The following CCDC13 variants were observed in gnomAD, a reference collection of about 807,000 sequenced individuals.
The protein encoded by CCDC13 is coiled-coil domain containing 13, also known as coiled-coil domain-containing protein 13.
CCDC13 carries 70 observed loss-of-function variants against 87.3 expected under a neutral mutation model. The ratio of observed to expected loss-of-function variants is 0.80; its 90% CI spans 0.66 to 0.98. CCDC13 has a LOEUF of 0.98. Ranked by LOEUF, CCDC13 falls within the 50% of genes least tolerant of loss-of-function variation. The pLI is 0.00. For missense variants in CCDC13, 842 were observed against 892.0 expected (o/e 0.94, Z 0.71); for synonymous variants, 317 against 360.3 (o/e 0.88, Z 1.36).
chr3:42,750,050 C>T (rs1364135554), intron 5 of CCDC13: 1 of 411,084 alleles, frequency 2.4e-6, no homozygotes, highest in East Asian at 7.3e-5. Context: ...TGCGGCCCAT[C>T]ACACACTCTT....
intron 6 of CCDC13, chr3:42,746,699 G>T (rs1575316446): frequency 5.6e-6 from 1 of 177,822 alleles, no homozygotes; most frequent in Non-Finnish European, 1.2e-5. Context: ...CAGTCTGAGT[G>T]GTTCCAGCAG....
At chr3:42,762,019 C>G (rs979104477) in intron 1 of CCDC13, among the ~76,000 whole-genome samples, 2 of 152,204 alleles carry the variant, frequency 1.3e-5, no homozygotes, top group African/African-American at 4.8e-5. Flanking sequence ...TACCCAGTTA[C>G]TCTTAAACTT....
rs761394968 is a variant in CCDC13 at position 42,758,206 on chromosome 3, T to C, written c.140A>G (p.Gln47Arg). The change falls in exon 2 of 16, where the codon CAA becomes CGA. Residue 47 changes from glutamine to arginine, a missense_variant. By Grantham distance (43) the Gln-to-Arg change is conservative (BLOSUM62 1). Coordinates refer to ENST00000310232, the MANE Select transcript of CCDC13 (RefSeq NM_144719.4). ...ATCTGAAACCTCCAAGGGCTCCTCT[T>C]GGTCGTCAGCTCTGCTTTTGAGGCT... ...ELSLKSRADD[Q>R]EEPLEVSDGL... 18 of 1,614,016 alleles carry C rather than the reference T, an allele frequency of 1.1e-5. No homozygotes were observed. Among genetic ancestry groups the C allele is most frequent in the Non-Finnish European group, 1.4e-5 (17 of 1,180,052 alleles).
At chr3:42,739,538 T>C in intron 9 of CCDC13, 96 bp downstream of exon 9, 3 of 1,363,248 alleles carry the variant, frequency 2.2e-6, no homozygotes, top group Non-Finnish European at 3.0e-6. Flanking sequence ...CAGGTGGCAT[T>C]GAGGGGTGAG....
chr3:42,705,310 C>G (rs1362026003), downstream of CCDC13, among the ~76,000 whole-genome samples: 1 of 152,112 alleles, frequency 6.6e-6, no homozygotes, highest in Non-Finnish European at 1.5e-5. Context: ...TGGAGGTCAC[C>G]CTGCCCTGGG....
At position 42,757,004 on chromosome 3, in the gene CCDC13, T is replaced by A; in HGVS notation, c.370+62A>T. ...GGAATCTGCTCTCTGGAACCTGCTGTCTGCCCTATCTGAAGTCCCTGGACT... is the reference window on the plus strand; with the variant it reads ...GGAATCTGCTCTCTGGAACCTGCTGACTGCCCTATCTGAAGTCCCTGGACT... On this transcript the variant is annotated intron_variant, in intron 3 of 15. Coordinates refer to ENST00000310232, the MANE Select transcript of CCDC13 (RefSeq NM_144719.4). 2.0e-6 allele frequency: 3 copies of A among 1,511,566 alleles called. No homozygotes were observed. The South Asian group carries it at 3.6e-5, about 18-fold the overall frequency. 93.6% of individuals were successfully genotyped at this position (1,511,566 alleles called of 1,614,324 possible).
intron 14 of CCDC13, 115 bp from the exon 15 acceptor site, chr3:42,709,913 C>A: frequency 1.3e-6 from 1 of 790,352 alleles, no homozygotes. Flanking sequence ...AACGCTACAC[C>A]GCCTTCGGGG....
intron 1 of CCDC13, among the ~76,000 whole-genome samples, chr3:42,766,647 A>G (rs1022171902): frequency 6.6e-6 from 1 of 151,894 alleles, no homozygotes; most frequent in African/African-American, 2.4e-5. Context: ...AAACAAACAA[A>G]CTTCCTCTCC....
rs375487733 is a variant in CCDC13 at position 42,758,120 on chromosome 3, T to G, written c.221+5A>C. 1 of 1,610,800 alleles carries G rather than the reference T, an allele frequency of 6.2e-7. No homozygotes were observed. Among genetic ancestry groups the G allele is most frequent in the South Asian group, 1.1e-5 (1 of 90,986 alleles). On this transcript the variant is annotated splice_donor_5th_base_variant and intron_variant, in intron 2 of 15. Coordinates refer to ENST00000310232, the MANE Select transcript of CCDC13 (RefSeq NM_144719.4). The stretch of plus-strand genomic sequence containing the variant: ...ACCCCTGAGAGATTTCAAACTTGCA[T>G]TTACCTCTTCTCAAAGCTATTTTTC...
Position 42,765,611 on chromosome 3 carries a change from G to A in CCDC13, c.-6-7260C>T, listed in dbSNP as rs1403891311. ...TTAAAGCTTCCCAGGTGAGCCTAAC[G>A]TTCAGCTGGTTTGAGAATGAGAGGT... On this transcript the variant is annotated intron_variant, in intron 1 of 15. Transcript: ENST00000310232. Among the ~76,000 whole-genome samples the A allele has an allele frequency of 2.6e-5, 4 of 152,228 alleles. No homozygotes were observed. In the East Asian group the frequency reaches 7.7e-4, roughly 29 times the overall value.
At chr3:42,711,508 A>G (rs967171394) in intron 14 of CCDC13, among the ~76,000 whole-genome samples, 3 of 152,140 alleles carry the variant, frequency 2.0e-5, no homozygotes, top group African/African-American at 7.2e-5. Flanking sequence ...AGTGAATTCT[A>G]TTTGGCTCTC....
chr3:42,743,670 T>C (rs917042623), intron 7 of CCDC13, among the ~76,000 whole-genome samples: 1 of 147,582 alleles, frequency 6.8e-6, no homozygotes, highest in African/African-American at 2.5e-5. Context: ...TATATATATA[T>C]ATAAAATTTG....
chr3:42,724,923 CATA>C (rs1698655317), intron 13 of CCDC13, among the ~76,000 whole-genome samples: 1 of 151,154 alleles, frequency 6.6e-6, no homozygotes, highest in African/African-American at 2.4e-5. Context: ...GACAAACATA[CATA>C]ATATTACACA....
In CCDC13 at chr3:42,732,947, G is replaced by T. The variant is rs759351124; in HGVS notation, c.1535C>A (p.Thr512Lys). Reference protein sequence around the residue: ...SSRSVTSLGHTLVESALTRPS... With the variant: ...SSRSVTSLGHKLVESALTRPS... ...CCTCGTGAGAGCAGATTCCACCAGT[G>T]TGTGGCCCAGGCTGGTCACAGAGCT... The change falls in exon 12 of 16, where the codon ACA becomes AAA. Residue 512 changes from threonine (T) to lysine (K), a missense_variant. Physicochemically the swap from Thr to Lys is moderately conservative, Grantham distance 78 (BLOSUM62 -1). Coordinates refer to ENST00000310232, the MANE Select transcript of CCDC13 (RefSeq NM_144719.4). 9 of 1,553,376 alleles carry T rather than the reference G, an allele frequency of 5.8e-6. 1 individual carries two copies. In the South Asian group the frequency reaches 1.1e-4, roughly 18 times the overall value.
intron 1 of CCDC13, among the ~76,000 whole-genome samples, chr3:42,765,562 C>A (rs747682132): frequency 3.9e-4 from 60 of 152,280 alleles, no homozygotes; most frequent in Middle Eastern, 6.8e-3. Context: ...TGCACCACTA[C>A]GCCCAGCTAA....
Position 42,707,432 on chromosome 3 carries a change from C to T in CCDC13, c.*1548G>A, listed in dbSNP as rs1160066017. On this transcript the variant is annotated 3_prime_UTR_variant, in exon 16 of 16. Coordinates refer to ENST00000310232, the MANE Select transcript of CCDC13 (RefSeq NM_144719.4). ...TGGGATCTCTAGATCCGTGTGACCC[C>T]ATGCAGGGTCAGGGGCTCCCTGAGG... 3.3e-5 allele frequency among the ~76,000 whole-genome samples: 5 copies of T among 152,178 alleles called. No individual in the cohort carries two copies. Among genetic ancestry groups the T allele is most frequent in the Admixed American group, 3.3e-4 (5 of 15,288 alleles).
chr3:42,723,979 CAA>C (rs1698628956), intron 13 of CCDC13, among the ~76,000 whole-genome samples: 1 of 151,890 alleles, frequency 6.6e-6, no homozygotes. Flanking sequence ...AATTTAAAAA[CAA>C]ATAAATATAA....
chr3:42,723,957 C>CAACAAATTAAAAATTTAAA (rs1698628365), intron 13 of CCDC13, among the ~76,000 whole-genome samples: 1 of 151,908 alleles, frequency 6.6e-6, no homozygotes, highest in African/African-American at 2.4e-5. Flanking sequence ...AAAAAATTTA[C>CAACAAATTAAAAATTTAAA]AACAAATTAA....
At chr3:42,751,335 G>C (rs986726513) in intron 5 of CCDC13, among the ~76,000 whole-genome samples, 1 of 152,332 alleles carries the variant, frequency 6.6e-6, no homozygotes, top group East Asian at 1.9e-4. Context: ...TCCTTTCATG[G>C]AGCTGCAATT....
Sources: gnomAD v4.1 joint callset for allele counts (sites outside exome capture counted in the v4.1 genomes callset) on GRCh38, gnomAD v4.1.1 for gene constraint, MANE v1.5 for transcripts, NCBI Gene and HGNC (gene_info 2026-07-23, HGNC 2026-07-21) for gene names.